Variants in MC2R observed in about 807,000 individuals in gnomAD.
MC2R encodes melanocortin 2 receptor.
A neutral mutation model predicts 9.8 loss-of-function variants in MC2R; 9 were observed. The ratio of observed to expected loss-of-function variants is 0.92; its 90% CI spans 0.55 to 1.60. The LOEUF is 1.60. MC2R is among the 40% of genes most tolerant of loss of function. MC2R has a pLI of 0.00. For synonymous variants in MC2R, 185 were observed against 154.7 expected, an observed-to-expected ratio of 1.20 and a Z score of -1.45; for missense variants, 370 against 389.0, an observed-to-expected ratio of 0.95 and a Z score of 0.41.
intron 1 of MC2R, among the ~76,000 whole-genome samples, chr18:13,895,716 C>A (rs968231358): frequency 1.3e-5 from 2 of 152,152 alleles, no homozygotes; most frequent in South Asian, 2.1e-4. Context: ...CTGGTTTTGG[C>A]CCGGAGCTCC....
At chr18:13,894,760 C>A (rs115748982) in intron 1 of MC2R, among the ~76,000 whole-genome samples, 1,710 of 152,282 alleles carry the variant, frequency 0.011, 33 homozygotes, top group African/African-American at 0.039. Context: ...AGATGCCTTG[C>A]TCATTTTTGC....
At chr18:13,894,702 C>T (rs2045336307) in intron 1 of MC2R, among the ~76,000 whole-genome samples, 1 of 152,232 alleles carries the variant, frequency 6.6e-6, no homozygotes, top group Non-Finnish European at 1.5e-5. Flanking sequence ...TAGCATTCTC[C>T]TGTGTAGAAC....
In MC2R at chr18:13,899,574, A is replaced by G. The variant is rs141702316; in HGVS notation, c.-128-13928T>C. Among the ~76,000 whole-genome samples, 865 of 152,256 alleles carry G rather than the reference A, an allele frequency of 5.7e-3. 4 individuals are homozygous for G. Among genetic ancestry groups the G allele is most frequent in the Middle Eastern group, 0.034 (10 of 294 alleles). On this transcript the variant is annotated intron_variant, in intron 1 of 1. Transcript: ENST00000327606. ...CTACCTCAAGGCATTTAATAATCAT[A>G]CTCTCATAGATCAAGGATAAAGAGA...
At chr18:13,914,354 A>G (rs550945611) in intron 1 of MC2R, among the ~76,000 whole-genome samples, 2 of 152,292 alleles carry the variant, frequency 1.3e-5, no homozygotes, top group South Asian at 4.1e-4. Context: ...CGCTGTCCTC[A>G]GCGCCGGGGC....
At chr18:13,889,527 G>A (rs944996726) in intron 1 of MC2R, among the ~76,000 whole-genome samples, 1 of 152,108 alleles carries the variant, frequency 6.6e-6, no homozygotes, top group Non-Finnish European at 1.5e-5. Context: ...GCTGGGAGGG[G>A]CGCACAAATC....
At chr18:13,889,318 C>T (rs926346494) in intron 1 of MC2R, among the ~76,000 whole-genome samples, 1 of 152,186 alleles carries the variant, frequency 6.6e-6, no homozygotes, top group Non-Finnish European at 1.5e-5. Context: ...CAGTGCTCCC[C>T]AGGAGGCAGA....
intron 1 of MC2R, among the ~76,000 whole-genome samples, chr18:13,891,157 G>A (rs1033072411): frequency 4.6e-5 from 7 of 152,162 alleles, no homozygotes; most frequent in South Asian, 2.1e-4. Context: ...GCATGCCTCC[G>A]CTTCCTGTGT....
At chr18:13,888,113 A>T (rs542842458) in intron 1 of MC2R, among the ~76,000 whole-genome samples, 247 of 61,668 alleles carry the variant, frequency 4.0e-3, no homozygotes, top group African/African-American at 0.013. Flanking sequence ...TAAAATTCAT[A>T]AAAAAAAAAA....
chr18:13,909,819 A>T (rs2045434441), intron 1 of MC2R, among the ~76,000 whole-genome samples: 1 of 152,206 alleles, frequency 6.6e-6, no homozygotes, highest in Non-Finnish European at 1.5e-5. Flanking sequence ...GTCATAGAAT[A>T]AGCCACTTCC....
chr18:13,882,798 G>GT lies in MC2R; in HGVS notation c.*1826dup, dbSNP rs1238039089. 2 of 152,108 alleles carry GT rather than the reference G, an allele frequency of 1.3e-5. No homozygotes were observed. The highest frequency in any genetic ancestry group is 4.8e-5 in the African/African-American group (2 of 41,404). 9.4% of individuals were successfully genotyped at this position (152,108 alleles called of 1,614,324 possible). A position where few individuals can be genotyped will look rare whatever the true frequency, so the allele number is the denominator to read the frequency against. ...GTAGAAATAACACTTTTAAAAATTA[G>GT]TTCTAGGGTTGTGCTTTAGATTTCA... is the stretch of plus-strand genomic sequence containing the variant. On this transcript the variant is annotated 3_prime_UTR_variant, in exon 2 of 2. Transcript: ENST00000327606.
intron 1 of MC2R, among the ~76,000 whole-genome samples, chr18:13,911,524 C>G (rs143681646): frequency 2.6e-5 from 4 of 152,164 alleles, no homozygotes; most frequent in Non-Finnish European, 4.4e-5. Context: ...TATCTTTGGA[C>G]GAGTGCCTGG....
intron 1 of MC2R, among the ~76,000 whole-genome samples, chr18:13,905,440 C>T (rs140818518): frequency 2.6e-4 from 39 of 151,484 alleles, no homozygotes; most frequent in African/African-American, 8.0e-4. Flanking sequence ...GAGCCGTGAT[C>T]GTGCCACTAC....
intron 1 of MC2R, among the ~76,000 whole-genome samples, chr18:13,898,132 G>C (rs1422789769): frequency 2.6e-5 from 4 of 152,152 alleles, no homozygotes; most frequent in Non-Finnish European, 5.9e-5. Context: ...CCCTGGGCCA[G>C]AGGTGAGCCC....
At chr18:13,907,077 A>G (rs2149142876) in intron 1 of MC2R, among the ~76,000 whole-genome samples, 1 of 152,388 alleles carries the variant, frequency 6.6e-6, no homozygotes, top group Non-Finnish European at 1.5e-5. Context: ...AGTCTGGAGC[A>G]AAAAGAGCAA....
chr18:13,892,847 C>CA (rs1555620093), intron 1 of MC2R, among the ~76,000 whole-genome samples: 11 of 142,122 alleles, frequency 7.7e-5, no homozygotes, highest in Non-Finnish European at 1.2e-4. Flanking sequence ...CACACACACA[C>CA]CACACACACA....
At chr18:13,888,518 C>T (rs1478199313) in intron 1 of MC2R, among the ~76,000 whole-genome samples, 2 of 152,212 alleles carry the variant, frequency 1.3e-5, no homozygotes, top group African/African-American at 2.4e-5. Context: ...AAGCCACAGT[C>T]TGGAGAGGAT....
chr18:13,897,222 C>A (rs1217327913), intron 1 of MC2R, among the ~76,000 whole-genome samples: 2 of 152,136 alleles, frequency 1.3e-5, no homozygotes, highest in African/African-American at 4.8e-5. Context: ...GAGAGCACAG[C>A]AATTGTGAAA....
chr18:13,914,685 ATG>A (rs2045466391), intron 1 of MC2R, among the ~76,000 whole-genome samples: 2 of 152,166 alleles, frequency 1.3e-5, no homozygotes, highest in South Asian at 4.1e-4. Flanking sequence ...TAAGTGAAGA[ATG>A]GGGACAGTTA....
intron 1 of MC2R, among the ~76,000 whole-genome samples, chr18:13,890,782 A>G (rs756318668): frequency 3.5e-4 from 54 of 152,182 alleles, no homozygotes; most frequent in Non-Finnish European, 7.1e-4. Flanking sequence ...CGCCACCTTC[A>G]GAAGTCCGGT....
Sources: allele counts gnomAD v4.1 joint callset (sites outside exome capture counted in the v4.1 genomes callset), GRCh38; gene constraint gnomAD v4.1.1; transcripts MANE v1.5; gene names NCBI Gene and HGNC (gene_info 2026-07-23, HGNC 2026-07-21).